Variants in BANP observed in about 807,000 individuals in gnomAD.
BANP encodes protein BANP.
In BANP, 11 loss-of-function variants were observed where a neutral mutation model predicts 68.1. The ratio of observed to expected loss-of-function variants is 0.16; its 90% CI spans 0.10 to 0.27. The LOEUF (loss-of-function observed/expected upper bound fraction) is 0.27. Among genes scored for constraint, BANP ranks in the 10% least tolerant of loss-of-function variants. The pLI, the probability that BANP is intolerant of heterozygous loss-of-function variation, is 1.00. For missense variants in BANP, 504 were observed against 722.7 expected (o/e 0.70, Z 3.47); for synonymous variants, 329 against 303.2 (o/e 1.09, Z -0.88).
At chr16:88,010,727 C>T (rs114487229) in intron 6 of BANP, among the ~76,000 whole-genome samples, 241 of 152,224 alleles carry the variant, frequency 1.6e-3, no homozygotes, top group African/African-American at 5.5e-3. Context: ...TCGCAGTCCA[C>T]GGAACACCAG....
chr16:87,970,546 G>C (rs993875246), intron 1 of BANP, among the ~76,000 whole-genome samples: 1 of 152,148 alleles, frequency 6.6e-6, no homozygotes, highest in Non-Finnish European at 1.5e-5. Context: ...ATAAATGCTT[G>C]ATTTTTTCTT....
chr16:88,059,254 T>A (rs1036242662), intron 11 of BANP, among the ~76,000 whole-genome samples: 1 of 4,234 alleles, frequency 2.4e-4, no homozygotes, highest in Non-Finnish European at 6.7e-4. Flanking sequence ...GGGGGTGGGG[T>A]GGGGCGGGCG....
chr16:87,958,367 AG>A (rs1384970546), intron 1 of BANP, among the ~76,000 whole-genome samples: 2 of 152,240 alleles, frequency 1.3e-5, no homozygotes, highest in East Asian at 1.9e-4. Flanking sequence ...GCTAACGGGT[AG>A]GTATCGACTC....
intron 11 of BANP, among the ~76,000 whole-genome samples, chr16:88,049,728 A>G (rs2082817554): frequency 6.6e-6 from 1 of 152,138 alleles, no homozygotes; most frequent in African/African-American, 2.4e-5. Flanking sequence ...TTTCAGGTGG[A>G]GTCACGGGGG....
chr16:88,067,722 G>C (rs2089109211), intron 12 of BANP, among the ~76,000 whole-genome samples: 5 of 152,130 alleles, frequency 3.3e-5, no homozygotes, highest in Admixed American at 3.3e-4. Context: ...GCCCTGGACG[G>C]CCGGCTGCCC....
Position 88,071,403 on chromosome 16 carries a change from C to T in BANP, c.1378-666C>T, listed in dbSNP as rs1258054407. 2.2e-6 allele frequency: 1 copy of T among 448,192 alleles called. No individual in the cohort carries two copies. Among genetic ancestry groups the T allele is most frequent in the African/African-American group, 2.0e-5 (1 of 50,060 alleles). 27.8% of individuals were successfully genotyped at this position (448,192 alleles called of 1,614,324 possible). On this transcript the variant is annotated intron_variant, in intron 12 of 13. Transcript: ENST00000682872. This position sits in a 1 kb window ranked among gnomAD's most constrained non-coding sequence, Gnocchi z 6.5. ...GGGTGCTTACAGGCGATGGGGTCAC[C>T]AGAGCCCACCCAGGGGCCTCGCCTG...
chr16:88,058,053 T>TC (rs2152857320), intron 11 of BANP, among the ~76,000 whole-genome samples: 1 of 152,300 alleles, frequency 6.6e-6, no homozygotes, highest in Non-Finnish European at 1.5e-5. Flanking sequence ...TACCTTTTTT[T>TC]CACTCTGAGA....
rs899167095 is a variant in BANP, at chr16:88,071,111, G to A, written c.1378-958G>A. On this transcript the variant is annotated intron_variant, in intron 12 of 13. Transcript: ENST00000682872. The surrounding 1 kb of genome is among the most constrained non-coding windows in gnomAD (Gnocchi z 6.5). ...GGAGGGGATGCTGCGGCCAGGCTCC[G>A]TGGGGTGGGGCACCCTGCGACGGGC... 7.4e-5 allele frequency: 20 copies of A among 271,666 alleles called. No homozygotes were observed. The highest frequency in any genetic ancestry group is 3.0e-4 in the South Asian group (8 of 27,084). The allele number at this position is 271,666 out of a possible 1,614,324, so 16.8% of individuals were successfully genotyped here.
In BANP at chr16:88,020,004, C is replaced by G. The variant is rs538999128; in HGVS notation, c.895+1337C>G. On this transcript the variant is annotated intron_variant, in intron 7 of 13. Coordinates refer to ENST00000682872, the MANE Select transcript of BANP (RefSeq NM_001386991.1). ...CCATGTCTTGTCCCAGGCGTGTGCC[C>G]CAGCTGTCAGACACCAGCGGGCGCC... Among the ~76,000 whole-genome samples the G allele has an allele frequency of 5.9e-5, 9 of 152,272 alleles. No individual in the cohort carries two copies. In the South Asian group the frequency reaches 1.5e-3, roughly 25 times the overall value.
At chr16:88,005,235 A>C (rs1362277231) in intron 5 of BANP, among the ~76,000 whole-genome samples, 1 of 152,156 alleles carries the variant, frequency 6.6e-6, no homozygotes, top group African/African-American at 2.4e-5. Flanking sequence ...GGGGCTTTGC[A>C]CTGAGGTCAG....
intron 1 of BANP, among the ~76,000 whole-genome samples, chr16:87,951,740 C>A (rs2144277244): frequency 6.6e-6 from 1 of 151,450 alleles, no homozygotes; most frequent in Non-Finnish European, 1.5e-5. Context: ...CTTCCGCACC[C>A]CCGGCCCCAC....
chr16:87,960,535 A>G (rs1340876569), intron 1 of BANP, among the ~76,000 whole-genome samples: 1 of 152,240 alleles, frequency 6.6e-6, no homozygotes, highest in Non-Finnish European at 1.5e-5. Context: ...TGTGGCAGAG[A>G]TAGCATAGGG....
chr16:88,056,535 T>C (rs531507620), intron 11 of BANP, among the ~76,000 whole-genome samples: 51 of 152,082 alleles, frequency 3.4e-4, no homozygotes, highest in African/African-American at 1.1e-3. Context: ...TTTTACTCAG[T>C]TGAAACAATG....
chr16:88,072,239 A>G (rs1333587354), intron 13 of BANP, 27 bp downstream of exon 13: 2 of 1,586,868 alleles, frequency 1.3e-6, no homozygotes, highest in Non-Finnish European at 1.7e-6. Flanking sequence ...GCGCCGGGAC[A>G]CTGAAGTGAT....
At position 88,018,891 on chromosome 16, in the gene BANP, C is replaced by A. The variant is rs568468730; in HGVS notation, c.895+224C>A. On this transcript the variant is annotated intron_variant, in intron 7 of 13. Transcript: ENST00000682872. This position sits in a 1 kb window ranked among gnomAD's most constrained non-coding sequence, Gnocchi z 7.7. The stretch of plus-strand genomic sequence containing the variant: ...TGCCCGCACCAAAATACCTCATATA[C>A]CCCATCATATATATACCTACTGTGT... 6.6e-6 allele frequency among the ~76,000 whole-genome samples: 1 copy of A among 152,198 alleles called. No homozygotes were observed. The highest frequency in any genetic ancestry group is 2.4e-5 in the African/African-American group (1 of 41,440).
intron 2 of BANP, chr16:87,978,594 G>A (rs549188941): frequency 6.4e-6 from 3 of 469,618 alleles, no homozygotes; most frequent in Admixed American, 2.4e-5. Context: ...TGGTTGATGC[G>A]CTCCCTGCCT....
rs1295784575 is a variant in BANP, at chr16:87,984,104, T to C, written c.207T>C (p.Asp69=). The C allele has an allele frequency of 3.1e-6, 5 of 1,614,010 alleles. No individual in the cohort carries two copies. In the East Asian group the frequency reaches 1.1e-4, roughly 36 times the overall value. The part of the protein sequence containing the change: ...SINQTICLRL[D]SIEAKLQALE... ...ACCAGACAATCTGCTTGCGGTTGGA[T>C]AGCATTGAAGCCAAATTGCAAGCCC... The change falls in exon 4 of 14, where the codon GAT becomes GAC. Residue 69 remains aspartate, a synonymous_variant. Coordinates refer to ENST00000682872, the MANE Select transcript of BANP (RefSeq NM_001386991.1).
intron 13 of BANP, among the ~76,000 whole-genome samples, chr16:88,072,474 A>C (rs1403038415): frequency 6.6e-6 from 1 of 152,194 alleles, no homozygotes; most frequent in Non-Finnish European, 1.5e-5. Flanking sequence ...CAGGGGCAGA[A>C]GTGAAGCTCT....
chr16:88,058,907 A>G (rs2085892375), intron 11 of BANP, among the ~76,000 whole-genome samples: 1 of 152,206 alleles, frequency 6.6e-6, no homozygotes, highest in African/African-American at 2.4e-5. Flanking sequence ...CGAAAAGCCC[A>G]TAAAGTGGCC....
Sources: gnomAD v4.1 joint callset for allele counts (sites outside exome capture counted in the v4.1 genomes callset) on GRCh38, gnomAD v4.1.1 for gene constraint, Gnocchi (gnomAD v3.1) non-coding constraint, MANE v1.5 for transcripts, NCBI Gene and HGNC (gene_info 2026-07-23, HGNC 2026-07-21) for gene names.